The following XXYLT1 variants were observed in gnomAD, a reference collection of about 807,000 sequenced individuals.
XXYLT1 encodes xyloside xylosyltransferase 1, also known as UDP-xylose:alpha-xyloside alpha-1,3-xylosyltransferase.
A neutral mutation model predicts 28.9 loss-of-function variants in XXYLT1; 20 were observed. The ratio of observed to expected loss-of-function variants is 0.69; its 90% confidence interval spans 0.49 to 1.00. The LOEUF (loss-of-function observed/expected upper bound fraction) is 1.00. Among genes scored for constraint, XXYLT1 ranks in the 50% least tolerant of loss-of-function variants. The pLI is 0.00. For missense variants in XXYLT1, 542 were observed against 560.1 expected (o/e 0.97, Z 0.33); for synonymous variants, 257 against 253.8 (o/e 1.01, Z -0.12).
At chr3:195,244,116 A>T (rs115456449) in intron 1 of XXYLT1, among the ~76,000 whole-genome samples, 4,472 of 152,270 alleles carry the variant, frequency 0.029, 111 homozygotes, top group Middle Eastern at 0.051. Context: ...CCTGCAATGA[A>T]CGTTCTAGGA....
At chr3:195,111,842 A>G (rs1372322728) in intron 3 of XXYLT1, among the ~76,000 whole-genome samples, 1 of 152,214 alleles carries the variant, frequency 6.6e-6, no homozygotes, top group Non-Finnish European at 1.5e-5. Context: ...ACTCAACTTA[A>G]AGATTTAAAA....
At chr3:195,249,947 C>T (rs977661319) in intron 1 of XXYLT1, among the ~76,000 whole-genome samples, 1 of 152,216 alleles carries the variant, frequency 6.6e-6, no homozygotes, top group Non-Finnish European at 1.5e-5. Flanking sequence ...CATCCTCTCT[C>T]CCCAGAGCCA....
rs939397739 is a variant in XXYLT1, at chr3:195,257,463, T to G, written c.504+13092A>C. 4.6e-5 allele frequency among the ~76,000 whole-genome samples: 7 copies of G among 152,146 alleles called. No homozygotes were observed. The highest frequency in any genetic ancestry group is 1.7e-4 in the African/African-American group (7 of 41,424). ...CATAACTGGCACCGTCCGAGCTTCATCATGAAAGGCGAGTTAATCAGATGA... is the reference window on the plus strand; with the variant it reads ...CATAACTGGCACCGTCCGAGCTTCAGCATGAAAGGCGAGTTAATCAGATGA... On this transcript the variant is annotated intron_variant, in intron 1 of 3. Transcript: ENST00000310380. The surrounding 1 kb of genome is among the most constrained non-coding windows in gnomAD (Gnocchi z 4.3).
At chr3:195,199,179 G>C (rs545262762) in intron 2 of XXYLT1, among the ~76,000 whole-genome samples, 2 of 149,088 alleles carry the variant, frequency 1.3e-5, no homozygotes, top group African/African-American at 2.6e-5. Flanking sequence ...CGTGTGGGCA[G>C]GGCTAGGAGT....
At chr3:195,121,184 C>A (rs1384941664) in intron 3 of XXYLT1, among the ~76,000 whole-genome samples, 1 of 152,232 alleles carries the variant, frequency 6.6e-6, no homozygotes, top group Non-Finnish European at 1.5e-5. Context: ...GCCTTGGCCG[C>A]CCAGCCATTG....
At chr3:195,270,245 G>A in intron 1 of XXYLT1, 1 of 574,520 alleles carries the variant, frequency 1.7e-6, no homozygotes, top group South Asian at 1.9e-5. Context: ...TGAAGGCAGT[G>A]CTGAACCCTG....
chr3:195,115,267 T>G lies in XXYLT1; in HGVS notation c.785+41182A>C, dbSNP rs1205086054. On this transcript the variant is annotated intron_variant, in intron 3 of 3. Transcript: ENST00000310380. The surrounding 1 kb of genome is among the most constrained non-coding windows in gnomAD (Gnocchi z 4.2). Reference sequence around the variant, plus strand: ...CTTGAACCCAGGTCGTGCTGCCGCTTCCTGAGTACCAGAAAAGCAGGGCAG... The same window carrying G: ...CTTGAACCCAGGTCGTGCTGCCGCTGCCTGAGTACCAGAAAAGCAGGGCAG... Among the ~76,000 whole-genome samples, 1 of 152,180 alleles carries G rather than the reference T, an allele frequency of 6.6e-6. No individual in the cohort carries two copies. Among genetic ancestry groups the G allele is most frequent in the Non-Finnish European group, 1.5e-5 (1 of 68,026 alleles).
At chr3:195,197,329 C>T (rs1032484047) in intron 2 of XXYLT1, among the ~76,000 whole-genome samples, 2 of 151,280 alleles carry the variant, frequency 1.3e-5, no homozygotes, top group Non-Finnish European at 2.9e-5. Flanking sequence ...CCCAGCTACT[C>T]GGGAGGCTGA....
chr3:195,106,000 G>GA (rs1560097209), intron 3 of XXYLT1, among the ~76,000 whole-genome samples: 3 of 152,004 alleles, frequency 2.0e-5, no homozygotes, highest in African/African-American at 7.2e-5. Context: ...CATTTCACCG[G>GA]CGCGTAGCAT....
chr3:195,097,712 G>A (rs570050652), intron 3 of XXYLT1, among the ~76,000 whole-genome samples: 5 of 152,190 alleles, frequency 3.3e-5, no homozygotes, highest in East Asian at 1.9e-4. Context: ...GTGAACAGTC[G>A]CCAAGATAAA....
At chr3:195,091,887 GACAA>G in intron 3 of XXYLT1, among the ~76,000 whole-genome samples, 1 of 18,026 alleles carries the variant, frequency 5.5e-5, no homozygotes, top group African/African-American at 4.4e-4. Flanking sequence ...ACCAACAACA[GACAA>G]ACAGAGAGCC....
At chr3:195,232,226 A>C (rs908967124) in intron 1 of XXYLT1, among the ~76,000 whole-genome samples, 2 of 152,014 alleles carry the variant, frequency 1.3e-5, no homozygotes, top group African/African-American at 4.8e-5. Context: ...TATGAGTTGT[A>C]ATATCTCCTT....
chr3:195,197,869 T>G (rs1722691746), intron 2 of XXYLT1, among the ~76,000 whole-genome samples: 1 of 152,194 alleles, frequency 6.6e-6, no homozygotes, highest in African/African-American at 2.4e-5. Context: ...GCCAGCAGCT[T>G]ATGGAAAAGC....
intron 2 of XXYLT1, among the ~76,000 whole-genome samples, chr3:195,204,363 A>G (rs1722977498): frequency 6.6e-6 from 1 of 151,988 alleles, no homozygotes; most frequent in Non-Finnish European, 1.5e-5. Context: ...AAAGAGAGAG[A>G]GAGAGAGAAA....
At chr3:195,155,425 G>A (rs1720528110) in intron 3 of XXYLT1, among the ~76,000 whole-genome samples, 1 of 152,160 alleles carries the variant, frequency 6.6e-6, no homozygotes, top group South Asian at 2.1e-4. Flanking sequence ...TGCTCTGGGT[G>A]TGCTATCGCT....
At chr3:195,160,931 C>T (rs1337547559) in intron 2 of XXYLT1, among the ~76,000 whole-genome samples, 1 of 152,244 alleles carries the variant, frequency 6.6e-6, no homozygotes, top group Non-Finnish European at 1.5e-5. Context: ...GCGCTCTTCT[C>T]CATTTCCCTC....
At chr3:195,268,674 G>A (rs1725922706) in intron 1 of XXYLT1, among the ~76,000 whole-genome samples, 1 of 151,908 alleles carries the variant, frequency 6.6e-6, no homozygotes, top group African/African-American at 2.4e-5. Flanking sequence ...CTGACATCTG[G>A]CTAGAAGTCC....
At chr3:195,125,115 AAATAAG>A (rs1355274145) in intron 3 of XXYLT1, among the ~76,000 whole-genome samples, 2 of 152,254 alleles carry the variant, frequency 1.3e-5, no homozygotes, top group African/African-American at 4.8e-5. Context: ...AAAAAAGAGA[AAATAAG>A]AATGAGAAAA....
intron 3 of XXYLT1, among the ~76,000 whole-genome samples, chr3:195,079,448 A>G (rs9883940): frequency 0.16 from 24,080 of 152,170 alleles, 2,113 homozygotes; most frequent in East Asian, 0.34. Context: ...GGCTTCTTTG[A>G]GGAATGAGAA....
Sources: allele counts gnomAD v4.1 joint callset (sites outside exome capture counted in the v4.1 genomes callset), GRCh38; gene constraint gnomAD v4.1.1; non-coding constraint Gnocchi (gnomAD v3.1); transcripts MANE v1.5; gene names NCBI Gene and HGNC (gene_info 2026-07-23, HGNC 2026-07-21).